Variants in ZZEF1 observed in about 807,000 individuals in gnomAD.
ZZEF1 encodes the protein zinc finger ZZ-type and EF-hand domain-containing protein 1.
A neutral mutation model predicts 342.8 loss-of-function variants in ZZEF1; 157 were observed. The observed-to-expected ratio is 0.46, with a 90% CI of 0.40 to 0.52. ZZEF1 has a LOEUF of 0.52. Among genes scored for constraint, ZZEF1 ranks in the 20% least tolerant of loss-of-function variants. The probability of loss-of-function intolerance (pLI) is 0.00; values close to 1 mark genes in which losing one functional copy is unlikely to be tolerated. For synonymous variants in ZZEF1, 1,505 were observed against 1,429.1 expected, an observed-to-expected ratio of 1.05 and a Z score of -1.20; for missense variants, 3,480 against 3,725.6, an observed-to-expected ratio of 0.93 and a Z score of 1.72.
Position 4,090,805 on chromosome 17 carries a change from C to T in ZZEF1, c.1939G>A (p.Gly647Arg), listed in dbSNP as rs764995744. 1.2e-6 allele frequency: 2 copies of T among 1,614,142 alleles called. No individual in the cohort carries two copies. Residue 647 changes from glycine to arginine, a missense_variant, in exon 12 of 55, where the codon GGA becomes AGA. Physicochemically the swap from Gly to Arg is moderately radical, Grantham distance 125. This residue lies in a region of ZZEF1 where 1,528 missense variants were observed against 1,624.1 expected (regional missense o/e 0.94). Coordinates refer to ENST00000381638, the MANE Select transcript of ZZEF1 (RefSeq NM_015113.4). ...SRIGCSSDDL[G>R]EDDPIGWFEL... ...AACCAGCCAATAGGATCATCCTCTCCAAGGTCATCAGATGAGCAACCAATC... is the reference window on the plus strand; with the variant it reads ...AACCAGCCAATAGGATCATCCTCTCTAAGGTCATCAGATGAGCAACCAATC...
intron 1 of ZZEF1, among the ~76,000 whole-genome samples, chr17:4,130,273 C>T (rs971798928): frequency 1.3e-5 from 2 of 151,914 alleles, no homozygotes; most frequent in African/African-American, 4.8e-5. Flanking sequence ...GGCCAACATG[C>T]GAAACCACAT....
chr17:4,044,889 C>T (rs1361723185), intron 37 of ZZEF1, among the ~76,000 whole-genome samples: 1 of 152,122 alleles, frequency 6.6e-6, no homozygotes, highest in Non-Finnish European at 1.5e-5. Context: ...TGTGATGGCT[C>T]ATGTCTGTAA....
chr17:4,111,722 T>G (rs558980422), intron 5 of ZZEF1, among the ~76,000 whole-genome samples: 9 of 145,932 alleles, frequency 6.2e-5, no homozygotes, highest in Non-Finnish European at 1.3e-4. Flanking sequence ...TATATAAATA[T>G]GTATAAACAT....
At chr17:4,033,291 G>A in intron 40 of ZZEF1, 1 of 315,138 alleles carries the variant, frequency 3.2e-6, no homozygotes, top group Non-Finnish European at 5.9e-6. Context: ...AAAATGTAGT[G>A]AGACAGCACC....
chr17:4,009,780 G>C (rs370150308), intron 52 of ZZEF1, 23 bp from the exon 53 acceptor site: 97 of 1,610,732 alleles, frequency 6.0e-5, no homozygotes, highest in Non-Finnish European at 8.2e-5. Flanking sequence ...CCCCGGAGGT[G>C]GTCAGTTTAC....
Position 4,050,123 on chromosome 17 carries a change from C to T in ZZEF1, c.5864-264G>A, listed in dbSNP as rs536236229. ...AAGATAAAACATATAACAGGATTGTCTATTTAGAAAATAATCAACATTATA... is the reference window on the plus strand; with the variant it reads ...AAGATAAAACATATAACAGGATTGTTTATTTAGAAAATAATCAACATTATA... On this transcript the variant is annotated intron_variant, in intron 36 of 54. Transcript: ENST00000381638. Among the ~76,000 whole-genome samples the T allele has an allele frequency of 9.8e-5, 15 of 152,298 alleles. No individual in the cohort carries two copies. In the South Asian group the frequency reaches 2.9e-3, roughly 29 times the overall value.
At chr17:4,030,049 A>G (rs2145039945) in intron 42 of ZZEF1, among the ~76,000 whole-genome samples, 2 of 151,740 alleles carry the variant, frequency 1.3e-5, no homozygotes, top group South Asian at 4.2e-4. Flanking sequence ...AAAAGAAAAG[A>G]AAAGAAACCG....
chr17:4,034,767 C>T (rs1318387124), intron 39 of ZZEF1, among the ~76,000 whole-genome samples: 4 of 152,130 alleles, frequency 2.6e-5, no homozygotes, highest in East Asian at 1.9e-4. Flanking sequence ...GAGGCCAAGG[C>T]GGGAGAGTCA....
rs2056259675 is a variant in ZZEF1, at chr17:4,021,204, G to A, written c.7329C>T (p.Ser2443=). 6.2e-7 allele frequency: 1 copy of A among 1,614,024 alleles called. No homozygotes were observed. ...TTTTCTGCTCTGGGTCGCCAGGGCT[G>A]CTGACTGGCCGTTCCACCTCTTCCT... The part of the protein sequence containing the change: ...DREEEVERPV[S]SPGDPEQKKL... The change falls in exon 45 of 55, where the codon AGC becomes AGT. Residue 2443 remains serine, a synonymous_variant. Transcript: ENST00000381638.
intron 29 of ZZEF1, among the ~76,000 whole-genome samples, chr17:4,064,069 G>A (rs1201536434): frequency 2.0e-5 from 3 of 151,214 alleles, no homozygotes; most frequent in African/African-American, 4.9e-5. Context: ...ATGGAGGGGG[G>A]GGGGTCTCAC....
At chr17:4,091,510 G>A (rs548721420) in intron 11 of ZZEF1, among the ~76,000 whole-genome samples, 5 of 152,170 alleles carry the variant, frequency 3.3e-5, no homozygotes, top group African/African-American at 4.8e-5. Context: ...TGCTGGGCAC[G>A]ATGGCTCACA....
intron 25 of ZZEF1, among the ~76,000 whole-genome samples, chr17:4,072,383 C>T (rs1305210429): frequency 1.3e-5 from 2 of 152,226 alleles, no homozygotes; most frequent in Non-Finnish European, 2.9e-5. Flanking sequence ...GCACCTCCTA[C>T]ATTTCACCCA....
Position 4,017,742 on chromosome 17 carries a change from A to C in ZZEF1, c.7642-12T>G, listed in dbSNP as rs748594336. Reference sequence around the variant, plus strand: ...CGTGCAGGCCGGGACTGCAAACCCAAGACCACCATTACAGAGGTCTAGCCT... The same window carrying C: ...CGTGCAGGCCGGGACTGCAAACCCACGACCACCATTACAGAGGTCTAGCCT... On this transcript the variant is annotated splice_polypyrimidine_tract_variant and intron_variant, in intron 47 of 54. Coordinates refer to ENST00000381638, the MANE Select transcript of ZZEF1 (RefSeq NM_015113.4). This position sits in a 1 kb window ranked among gnomAD's most constrained non-coding sequence, Gnocchi z 5.1. 2 of 1,611,300 alleles carry C rather than the reference A, an allele frequency of 1.2e-6. No individual in the cohort carries two copies. Among genetic ancestry groups the C allele is most frequent in the South Asian group, 2.2e-5 (2 of 91,008 alleles).
In ZZEF1 at chr17:4,006,710, C is replaced by A; in HGVS notation, c.*180G>T. 1 of 685,638 alleles carries A rather than the reference C, an allele frequency of 1.5e-6. No homozygotes were observed. The highest frequency in any genetic ancestry group is 1.6e-5 in the South Asian group (1 of 61,596). The allele number at this position is 685,638 out of a possible 1,614,324, so 42.5% of individuals were successfully genotyped here. Reference sequence around the variant, plus strand: ...TATTTTCACCATGCTACAGCCTGTGCTTGTGTCCAGCCTACGCACGGGAGC... The same window carrying A: ...TATTTTCACCATGCTACAGCCTGTGATTGTGTCCAGCCTACGCACGGGAGC... On this transcript the variant is annotated 3_prime_UTR_variant, in exon 55 of 55. Coordinates refer to ENST00000381638, the MANE Select transcript of ZZEF1 (RefSeq NM_015113.4).
At chr17:4,033,922 G>A (rs1386937140) in intron 40 of ZZEF1, 93 bp downstream of exon 40, 22 of 1,517,282 alleles carry the variant, frequency 1.4e-5, no homozygotes, top group South Asian at 4.9e-5. Context: ...GTAGCACACC[G>A]AAATTAATCA....
In ZZEF1 at chr17:4,142,737, C is replaced by A; in HGVS notation, c.159G>T (p.Pro53=). The A allele has an allele frequency of 6.5e-7, 1 of 1,530,016 alleles. No homozygotes were observed. The highest frequency in any genetic ancestry group is 1.4e-5 in the African/African-American group (1 of 70,244). 94.8% of individuals were successfully genotyped at this position (1,530,016 alleles called of 1,614,324 possible). Residue 53 remains proline, a synonymous_variant, in exon 1 of 55, where the codon CCG becomes CCT. Coordinates refer to ENST00000381638, the MANE Select transcript of ZZEF1 (RefSeq NM_015113.4). Reference sequence around the variant, plus strand: ...CTGCAGCAGCCTCTCGCAGCCTGGCCGGCTCCAGCAGCGCCGCGGCGGGTG... The same window carrying A: ...CTGCAGCAGCCTCTCGCAGCCTGGCAGGCTCCAGCAGCGCCGCGGCGGGTG... The part of the protein sequence containing the change: ...ALPPAAALLE[P]ARLREAAAAL...
At chr17:4,015,877 T>C (rs1319648783) in intron 49 of ZZEF1, among the ~76,000 whole-genome samples, 1 of 152,172 alleles carries the variant, frequency 6.6e-6, no homozygotes, top group African/African-American at 2.4e-5. Flanking sequence ...AAGTTAAGGA[T>C]GGAAAAGATG....
chr17:4,069,161 A>G (rs538714889), intron 26 of ZZEF1, among the ~76,000 whole-genome samples: 4 of 152,350 alleles, frequency 2.6e-5, no homozygotes, highest in South Asian at 2.1e-4. Context: ...AGTTTCCCAC[A>G]GCAGGAAGCC....
chr17:4,118,091 G>A lies in ZZEF1; in HGVS notation c.500-925C>T, dbSNP rs191056172. Among the ~76,000 whole-genome samples, 5 of 152,270 alleles carry A rather than the reference G, an allele frequency of 3.3e-5. No individual in the cohort carries two copies. In the South Asian group the frequency reaches 6.2e-4, roughly 19 times the overall value. On this transcript the variant is annotated intron_variant, in intron 2 of 54. Coordinates refer to ENST00000381638, the MANE Select transcript of ZZEF1 (RefSeq NM_015113.4). ...ATAGGGAACCCCCCATGAGGCCATCGGTACAGGCTGGGAGAGAGAAGGCAG... is the reference window on the plus strand; with the variant it reads ...ATAGGGAACCCCCCATGAGGCCATCAGTACAGGCTGGGAGAGAGAAGGCAG...
Sources: allele counts gnomAD v4.1 joint callset (sites outside exome capture counted in the v4.1 genomes callset), GRCh38; gene constraint gnomAD v4.1.1; regional missense constraint gnomAD v4.1.1; non-coding constraint Gnocchi (gnomAD v3.1); transcripts MANE v1.5; gene names NCBI Gene and HGNC (gene_info 2026-07-23, HGNC 2026-07-21).